NMNAT2: variants seen among roughly 807,000 people sequenced by gnomAD.
NMNAT2 encodes the protein nicotinamide/nicotinic acid mononucleotide adenylyltransferase 2.
NMNAT2 carries 11 observed loss-of-function variants against 41.6 expected under a neutral mutation model. That is an observed-to-expected ratio of 0.26 (90% confidence interval 0.17 to 0.44). NMNAT2 has a LOEUF of 0.44. Among genes scored for constraint, NMNAT2 ranks in the 20% least tolerant of loss-of-function variants. NMNAT2 has a pLI of 1.00. For missense variants in NMNAT2, 288 were observed against 407.7 expected (o/e 0.71, Z 2.53); for synonymous variants, 148 against 151.2 (o/e 0.98, Z 0.16).
chr1:183,331,824 GT>G (rs1303119449), intron 1 of NMNAT2, among the ~76,000 whole-genome samples: 1 of 152,062 alleles, frequency 6.6e-6, no homozygotes, highest in Admixed American at 6.6e-5. Flanking sequence ...GTCTCACTCT[GT>G]CACCCAGGCT....
chr1:183,337,379 A>AT (rs1234298315), intron 1 of NMNAT2, among the ~76,000 whole-genome samples: 4 of 152,124 alleles, frequency 2.6e-5, no homozygotes, highest in Non-Finnish European at 5.9e-5. Context: ...AAATACAACA[A>AT]CAAATTTATC....
intron 1 of NMNAT2, among the ~76,000 whole-genome samples, chr1:183,340,549 CCTG>C (rs1662775484): frequency 6.6e-6 from 1 of 152,122 alleles, no homozygotes; most frequent in Admixed American, 6.5e-5. Context: ...GTTTTGAACT[CCTG>C]ACCTCGGGTG....
At chr1:183,304,665 C>T in intron 1 of NMNAT2, 1 of 1,613,640 alleles carries the variant, frequency 6.2e-7, no homozygotes, top group Non-Finnish European at 8.5e-7. Flanking sequence ...GCTGTCTGAA[C>T]TCACCTGAGA....
At chr1:183,372,752 G>A (rs1019659345) in intron 1 of NMNAT2, among the ~76,000 whole-genome samples, 1 of 152,186 alleles carries the variant, frequency 6.6e-6, no homozygotes, top group Non-Finnish European at 1.5e-5. Flanking sequence ...ATCCTGGACG[G>A]TGACCAAGAT....
chr1:183,322,020 T>A (rs1349542848), intron 1 of NMNAT2, among the ~76,000 whole-genome samples: 1 of 151,940 alleles, frequency 6.6e-6, no homozygotes, highest in East Asian at 1.9e-4. Context: ...AGACAGGGTC[T>A]CACTTTGCTA....
intron 1 of NMNAT2, among the ~76,000 whole-genome samples, chr1:183,351,339 CTTT>C (rs1663042779): frequency 6.6e-6 from 1 of 152,164 alleles, no homozygotes; most frequent in African/African-American, 2.4e-5. Flanking sequence ...CAGGGCTCAG[CTTT>C]TTCCATCAAA....
At chr1:183,276,066 T>C (rs965264232) in intron 8 of NMNAT2, among the ~76,000 whole-genome samples, 4 of 152,212 alleles carry the variant, frequency 2.6e-5, no homozygotes, top group African/African-American at 9.6e-5. Context: ...CGTCCCTGGC[T>C]TCCAGGGGAT....
intron 1 of NMNAT2, among the ~76,000 whole-genome samples, chr1:183,400,937 G>A (rs1005758324): frequency 3.3e-5 from 5 of 152,128 alleles, no homozygotes; most frequent in Admixed American, 6.6e-5. Context: ...AGACTTAAAC[G>A]TTAGACCTAA....
chr1:183,287,045 A>G (rs1661419309), intron 4 of NMNAT2, among the ~76,000 whole-genome samples: 1 of 151,996 alleles, frequency 6.6e-6, no homozygotes, highest in African/African-American at 2.4e-5. Context: ...TAGCTATGTG[A>G]CCTTGGACAG....
At chr1:183,320,190 G>A (rs1662330097) in intron 1 of NMNAT2, among the ~76,000 whole-genome samples, 1 of 152,226 alleles carries the variant, frequency 6.6e-6, no homozygotes, top group East Asian at 1.9e-4. Context: ...TGAGGAGAGA[G>A]GTGATAGTAT....
chr1:183,382,654 T>C (rs1445946711), intron 1 of NMNAT2, among the ~76,000 whole-genome samples: 2 of 152,162 alleles, frequency 1.3e-5, no homozygotes, highest in Admixed American at 6.5e-5. Context: ...AAAACTAAGA[T>C]TCTATAGGCC....
chr1:183,418,167 G>A lies in NMNAT2; in HGVS notation c.85+16C>T. On this transcript the variant is annotated intron_variant, in intron 1 of 10. Coordinates refer to ENST00000287713, the MANE Select transcript of NMNAT2 (RefSeq NM_015039.4). The stretch of plus-strand genomic sequence containing the variant: ...AGGAGCGGAAGCGGCTTCCAGAGGT[G>A]GGCGGGAGGACTCACCAAACATCTG... 9.3e-6 allele frequency: 15 copies of A among 1,611,214 alleles called. No individual in the cohort carries two copies. Among genetic ancestry groups the A allele is most frequent in the Non-Finnish European group, 1.2e-5 (14 of 1,177,378 alleles).
chr1:183,358,311 T>C (rs993644348), intron 1 of NMNAT2, among the ~76,000 whole-genome samples: 2 of 152,168 alleles, frequency 1.3e-5, no homozygotes, highest in Non-Finnish European at 2.9e-5. Context: ...GAAAAATAAC[T>C]AATGGGCTTA....
chr1:183,342,832 C>T (rs1054832944), intron 1 of NMNAT2, among the ~76,000 whole-genome samples: 3 of 151,978 alleles, frequency 2.0e-5, no homozygotes, highest in Non-Finnish European at 4.4e-5. Flanking sequence ...CTCCTGGGCT[C>T]AAGTGATTTC....
intron 7 of NMNAT2, among the ~76,000 whole-genome samples, chr1:183,280,377 G>A (rs866953012): frequency 1.1e-4 from 16 of 152,108 alleles, no homozygotes; most frequent in Middle Eastern, 6.8e-3. Flanking sequence ...ACATAAATTC[G>A]TAAACTTCCT....
intron 10 of NMNAT2, among the ~76,000 whole-genome samples, chr1:183,255,662 GTTT>G (rs56106186): frequency 1.7e-4 from 17 of 100,928 alleles, no homozygotes; most frequent in South Asian, 3.4e-4. Flanking sequence ...ATTCCTAAGG[GTTT>G]TTTTTTTTTT....
intron 1 of NMNAT2, among the ~76,000 whole-genome samples, chr1:183,343,322 A>C (rs970619461): frequency 1.3e-5 from 2 of 152,190 alleles, no homozygotes; most frequent in Non-Finnish European, 2.9e-5. Context: ...TCACTCATTC[A>C]ACAAATATCT....
intron 1 of NMNAT2, among the ~76,000 whole-genome samples, chr1:183,413,933 G>A (rs1169715466): frequency 1.3e-5 from 2 of 152,082 alleles, no homozygotes; most frequent in Non-Finnish European, 2.9e-5. Context: ...CAAAAACAGC[G>A]GCTGCCATAA....
intron 8 of NMNAT2, among the ~76,000 whole-genome samples, chr1:183,276,422 C>T (rs537697843): frequency 3.2e-4 from 48 of 152,276 alleles, no homozygotes; most frequent in African/African-American, 1.1e-3. Context: ...TCTGACAACA[C>T]CAAGACCAGC....
Sources: gnomAD v4.1 joint callset for allele counts (sites outside exome capture counted in the v4.1 genomes callset) on GRCh38, gnomAD v4.1.1 for gene constraint, MANE v1.5 for transcripts, NCBI Gene and HGNC (gene_info 2026-07-23, HGNC 2026-07-21) for gene names.